Variants in NRCAM observed in about 807,000 individuals in gnomAD.
NRCAM encodes NgCAM-related cell adhesion molecule.
A neutral mutation model predicts 156.5 loss-of-function variants in NRCAM; 83 were observed. The observed-to-expected ratio is 0.53, with a 90% CI of 0.44 to 0.64. NRCAM has a LOEUF of 0.64. Ranked by LOEUF, NRCAM falls within the 30% of genes least tolerant of loss-of-function variation. NRCAM has a pLI of 0.00. For synonymous variants in NRCAM, 538 were observed against 563.9 expected, an observed-to-expected ratio of 0.95 and a Z score of 0.65; for missense variants, 1,417 against 1,597.3, an observed-to-expected ratio of 0.89 and a Z score of 1.92.
intron 12 of NRCAM, among the ~76,000 whole-genome samples, 183 bp from the exon 13 acceptor site, chr7:108,207,842 A>C (rs2081981576): frequency 6.6e-6 from 1 of 152,216 alleles, no homozygotes; most frequent in South Asian, 2.1e-4. Context: ...AAGAATGTTT[A>C]AAGAGACTCA....
chr7:108,293,547 C>G (rs1356334738), intron 3 of NRCAM, among the ~76,000 whole-genome samples: 1 of 152,182 alleles, frequency 6.6e-6, no homozygotes, highest in East Asian at 1.9e-4. Flanking sequence ...TAAAGGAAGT[C>G]TAAGTGCAGG....
chr7:108,432,487 A>C (rs555554212), intron 1 of NRCAM, among the ~76,000 whole-genome samples: 2 of 152,360 alleles, frequency 1.3e-5, no homozygotes, highest in South Asian at 2.1e-4. Context: ...AGTTATAAAA[A>C]ACCCAGTAAA....
intron 30 of NRCAM, among the ~76,000 whole-genome samples, chr7:108,161,388 G>C (rs1264946215): frequency 6.6e-6 from 1 of 152,082 alleles, no homozygotes; most frequent in African/African-American, 2.4e-5. Context: ...GAGCATTTCG[G>C]GTATTATTTT....
chr7:108,176,429 C>T lies in NRCAM; in HGVS notation c.3151+1G>A, dbSNP rs760577886. On this transcript the variant is annotated splice_donor_variant, in intron 27 of 32. Coordinates refer to ENST00000379028, the MANE Select transcript of NRCAM (RefSeq NM_001037132.4). LOFTEE classifies it high-confidence loss of function. The stretch of plus-strand genomic sequence containing the variant: ...ATGGATTTTATACATACCCATCTTA[C>T]CTTCATCCACAGTTGTTACTGCTTC... 1 of 1,611,486 alleles carries T rather than the reference C, an allele frequency of 6.2e-7. No individual in the cohort carries two copies. The highest frequency in any genetic ancestry group is 2.2e-5 in the East Asian group (1 of 44,796).
chr7:108,206,657 G>A (rs111409389), intron 13 of NRCAM, among the ~76,000 whole-genome samples: 2,328 of 152,250 alleles, frequency 0.015, 21 homozygotes, highest in Non-Finnish European at 0.023. Context: ...CCATGGCTTA[G>A]GAATTAAGGA....
At chr7:108,347,699 G>T (rs1027705598) in intron 2 of NRCAM, among the ~76,000 whole-genome samples, 3 of 152,196 alleles carry the variant, frequency 2.0e-5, no homozygotes, top group African/African-American at 7.2e-5. Flanking sequence ...TATGCCTGAT[G>T]AGGGGTTCCT....
In NRCAM at chr7:108,304,342, C is replaced by G. The variant is rs113660578; in HGVS notation, c.-107+8323G>C. Among the ~76,000 whole-genome samples, 1,376 of 151,778 alleles carry G rather than the reference C, an allele frequency of 9.1e-3. 30 individuals are homozygous for G. Among genetic ancestry groups the G allele is most frequent in the African/African-American group, 0.031 (1,303 of 41,388 alleles). On this transcript the variant is annotated intron_variant, in intron 3 of 32. Transcript: ENST00000379028. The stretch of plus-strand genomic sequence containing the variant: ...ACCACTCTTTTGAACTCCTAGAGCA[C>G]TTTTGGCCTCTACAACACATTTAAC...
rs146218985 is a variant in NRCAM at position 108,194,142 on chromosome 7, A to G, written c.1660T>C (p.Tyr554His). ...ATGCTCCCTCTTTGCACAACTGCAT[A>G]TTCGGGCTGTTTAACGATCCATGTA... is the stretch of plus-strand genomic sequence containing the variant. ...DPTWIVKQPE[Y>H]AVVQRGSMVS... Residue 554 changes from tyrosine (Y) to histidine (H), a missense_variant, in exon 17 of 33, where the codon TAT (tyrosine) becomes CAT (histidine). Physicochemically the swap from Tyr to His is moderately conservative, Grantham distance 83 (BLOSUM62 2). Transcript: ENST00000379028. The G allele has an allele frequency of 9.9e-6, 16 of 1,613,988 alleles. No homozygotes were observed. The African/African-American group carries it at 2.1e-4, about 22-fold the overall frequency.
In NRCAM at chr7:108,199,669, G is replaced by A. The variant is rs532598539; in HGVS notation, c.1208-1570C>T. ...GTCACCTTTCTTTCCAACCAAAGCCGGAAAAGGCACTCTGCTTTTGGGGGC... is the reference window on the plus strand; with the variant it reads ...GTCACCTTTCTTTCCAACCAAAGCCAGAAAAGGCACTCTGCTTTTGGGGGC... On this transcript the variant is annotated intron_variant, in intron 13 of 32. Transcript: ENST00000379028. Among the ~76,000 whole-genome samples the A allele has an allele frequency of 4.6e-5, 7 of 152,244 alleles. No homozygotes were observed. The East Asian group carries it at 5.8e-4, about 13-fold the overall frequency.
chr7:108,381,016 G>A (rs775684631), intron 2 of NRCAM, among the ~76,000 whole-genome samples: 6 of 152,084 alleles, frequency 3.9e-5, no homozygotes, highest in African/African-American at 9.7e-5. Flanking sequence ...TCCTGTCTGG[G>A]CAACACAGAG....
At chr7:108,169,821 A>G (rs1055904806) in intron 28 of NRCAM, among the ~76,000 whole-genome samples, 6 of 152,232 alleles carry the variant, frequency 3.9e-5, no homozygotes, top group African/African-American at 1.4e-4. Context: ...TTCTTAAAAA[A>G]TTTTGGAATA....
At chr7:108,304,420 T>C (rs989680881) in intron 3 of NRCAM, among the ~76,000 whole-genome samples, 1 of 151,560 alleles carries the variant, frequency 6.6e-6, no homozygotes, top group Non-Finnish European at 1.5e-5. Context: ...TATGTGTGTA[T>C]ATGAACAGTC....
chr7:108,357,137 T>C (rs1456782765), intron 2 of NRCAM, among the ~76,000 whole-genome samples: 3 of 152,144 alleles, frequency 2.0e-5, no homozygotes. Context: ...AACTAAGACA[T>C]GATGCAGGAA....
At position 108,181,696 on chromosome 7, in the gene NRCAM, AC is replaced by A. The variant is rs1300548071; in HGVS notation, c.2646+125del. 46 of 500,874 alleles carry A rather than the reference AC, an allele frequency of 9.2e-5. No individual in the cohort carries two copies. In the South Asian group the frequency reaches 1.6e-3, roughly 17 times the overall value. 31.0% of individuals were successfully genotyped at this position (500,874 alleles called of 1,614,324 possible). On this transcript the variant is annotated intron_variant, in intron 24 of 32. Coordinates refer to ENST00000379028, the MANE Select transcript of NRCAM (RefSeq NM_001037132.4). ...CTACCTGAGGCAATGAGCGAAATGA[AC>A]TCTTCAGTCCACAAGTTCACAAAGC...
At chr7:108,333,685 T>C (rs560805803) in intron 2 of NRCAM, among the ~76,000 whole-genome samples, 5 of 152,322 alleles carry the variant, frequency 3.3e-5, no homozygotes, top group African/African-American at 1.2e-4. Context: ...TTAAAAGATA[T>C]AGAACCCTAA....
chr7:108,296,620 A>T (rs1279694854), intron 3 of NRCAM, among the ~76,000 whole-genome samples: 1 of 152,162 alleles, frequency 6.6e-6, no homozygotes, highest in Non-Finnish European at 1.5e-5. Flanking sequence ...TCATACCCTG[A>T]TATCAAATAT....
chr7:108,223,469 CAAT>C (rs2153688379), intron 11 of NRCAM, among the ~76,000 whole-genome samples: 1 of 152,114 alleles, frequency 6.6e-6, no homozygotes, highest in Non-Finnish European at 1.5e-5. Context: ...AATATTTTAA[CAAT>C]GAGACCTAAT....
chr7:108,170,009 T>G (rs2057460080), intron 28 of NRCAM, among the ~76,000 whole-genome samples: 1 of 152,196 alleles, frequency 6.6e-6, no homozygotes, highest in African/African-American at 2.4e-5. Context: ...GAGTTTCTTC[T>G]CTAAACTGTT....
At chr7:108,369,053 C>A (rs548339760) in intron 2 of NRCAM, among the ~76,000 whole-genome samples, 52 of 152,232 alleles carry the variant, frequency 3.4e-4, no homozygotes, top group African/African-American at 1.2e-3. Context: ...CTATATAATT[C>A]TCTTTGTAAA....
Sources: gnomAD v4.1 joint callset for allele counts (sites outside exome capture counted in the v4.1 genomes callset) on GRCh38, gnomAD v4.1.1 for gene constraint, MANE v1.5 for transcripts, NCBI Gene and HGNC (gene_info 2026-07-23, HGNC 2026-07-21) for gene names.